Variants in LIPA observed in about 807,000 individuals in gnomAD.
The protein encoded by LIPA is lipase A, lysosomal acid type.
In LIPA, 26 loss-of-function variants were observed where a neutral mutation model predicts 40.6. That is an observed-to-expected ratio of 0.64 (90% confidence interval 0.47 to 0.89). LIPA has a LOEUF of 0.89. Ranked by LOEUF, LIPA falls within the 40% of genes least tolerant of loss-of-function variation. The pLI is 0.00. For missense variants in LIPA, 455 were observed against 479.6 expected, an observed-to-expected ratio of 0.95 and a Z score of 0.48; for synonymous variants, 188 against 168.4, an observed-to-expected ratio of 1.12 and a Z score of -0.90.
intron 2 of LIPA, among the ~76,000 whole-genome samples, chr10:89,379,582 G>A (rs1293947143): frequency 1.3e-5 from 2 of 152,168 alleles, no homozygotes; most frequent in African/African-American, 2.4e-5. Context: ...CAGTGGGAGA[G>A]GAAGAACTTT....
chr10:89,384,519 T>G, intron 2 of LIPA: 1 of 1,614,024 alleles, frequency 6.2e-7, no homozygotes, highest in Non-Finnish European at 8.5e-7. Context: ...TTACCCATTA[T>G]TTAAAAGGTT....
chr10:89,243,228 A>G (rs1480608287), intron 3 of LIPA, among the ~76,000 whole-genome samples: 1 of 152,224 alleles, frequency 6.6e-6, no homozygotes, highest in African/African-American at 2.4e-5. Context: ...GACAGTAAAG[A>G]GCCTCTGTCC....
At chr10:89,399,990 T>C (rs1469803837) in intron 2 of LIPA, among the ~76,000 whole-genome samples, 1 of 152,212 alleles carries the variant, frequency 6.6e-6, no homozygotes, top group African/African-American at 2.4e-5. Context: ...CTAGGACTTC[T>C]AGCCTCGAGA....
chr10:89,353,462 CAG>C (rs1448168641), intron 2 of LIPA, among the ~76,000 whole-genome samples: 1 of 152,166 alleles, frequency 6.6e-6, no homozygotes, highest in African/African-American at 2.4e-5. Context: ...AGGGAAGAAA[CAG>C]GGGAGAAATA....
chr10:89,305,107 GA>G (rs200621083), intron 1 of LIPA, among the ~76,000 whole-genome samples: 1,728 of 150,836 alleles, frequency 0.011, 13 homozygotes, highest in Middle Eastern at 0.038. Context: ...GGGAGGGGAG[GA>G]AAAAAAATTA....
intron 3 of LIPA, among the ~76,000 whole-genome samples, chr10:89,234,444 T>C (rs559370307): frequency 2.0e-5 from 3 of 152,330 alleles, no homozygotes; most frequent in African/African-American, 4.8e-5. Flanking sequence ...GAGATGGCAG[T>C]TCCATTAGGC....
At chr10:89,283,580 C>T (rs1356983285) in intron 1 of LIPA, 1 of 152,166 alleles carries the variant, frequency 6.6e-6, no homozygotes, top group Non-Finnish European at 1.5e-5. Flanking sequence ...TTTTCATCTA[C>T]CTTGAACTTC....
chr10:89,307,650 C>T (rs1336341852), intron 1 of LIPA: 7 of 324,468 alleles, frequency 2.2e-5, no homozygotes, highest in Non-Finnish European at 4.0e-5. Flanking sequence ...TGAACTGTAA[C>T]ATTTGCTTAG....
At chr10:89,275,182 C>T (rs533471060) in intron 1 of LIPA, among the ~76,000 whole-genome samples, 7 of 152,242 alleles carry the variant, frequency 4.6e-5, no homozygotes, top group African/African-American at 1.7e-4. Context: ...AACTATTTAG[C>T]CTTTTTATGC....
At chr10:89,414,569 G>C, upstream of LIPA, 1 of 462,216 alleles carries the variant, frequency 2.2e-6, no homozygotes, top group Non-Finnish European at 3.8e-6. Flanking sequence ...TTAAGTTTCA[G>C]TTTCTGAGCG....
intron 1 of LIPA, among the ~76,000 whole-genome samples, chr10:89,264,963 C>T (rs1039467056): frequency 1.3e-5 from 2 of 152,212 alleles, no homozygotes; most frequent in Non-Finnish European, 2.9e-5. Context: ...TGCTAAGCAA[C>T]CCTCAGCACC....
Position 89,223,801 on chromosome 10 carries a change from G to C in LIPA, c.705C>G (p.Pro235=), listed in dbSNP as rs1203005431. ...CCAGCCACTTCAAAAACGCACTCTG[G>C]GGAAGAAATTCTTTGTCTCCAAATA... The part of the protein sequence containing the change: ...KDLFGDKEFL[P]QSAFLKWLGT... Residue 235 remains proline, a synonymous_variant, in exon 7 of 10, where the codon CCC becomes CCG. Coordinates refer to ENST00000336233, the MANE Select transcript of LIPA (RefSeq NM_000235.4). 11 of 1,614,050 alleles carry C rather than the reference G, an allele frequency of 6.8e-6. No individual in the cohort carries two copies. In the African/African-American group the frequency reaches 1.2e-4, roughly 18 times the overall value.
intron 1 of LIPA, among the ~76,000 whole-genome samples, chr10:89,297,970 C>T (rs1013642308): frequency 1.1e-4 from 16 of 152,190 alleles, no homozygotes; most frequent in Non-Finnish European, 1.9e-4. Context: ...CACAGTGCTG[C>T]GGGGTTGCTA....
chr10:89,226,241 T>A (rs1842768871), intron 5 of LIPA, among the ~76,000 whole-genome samples: 1 of 152,164 alleles, frequency 6.6e-6, no homozygotes, highest in Non-Finnish European at 1.5e-5. Context: ...TTCATACCTT[T>A]CATATAGTAA....
chr10:89,242,976 G>A (rs866783688), intron 3 of LIPA, among the ~76,000 whole-genome samples: 2 of 152,270 alleles, frequency 1.3e-5, no homozygotes, highest in South Asian at 2.1e-4. Context: ...GCAATTTAAC[G>A]TGGGTGGCCT....
At chr10:89,248,639 A>G (rs1241661069) in intron 1 of LIPA, among the ~76,000 whole-genome samples, 2 of 145,942 alleles carry the variant, frequency 1.4e-5, no homozygotes, top group African/African-American at 5.2e-5. Flanking sequence ...CACGCCCGGC[A>G]AATTTTTTTG....
intron 1 of LIPA, among the ~76,000 whole-genome samples, chr10:89,303,441 A>T (rs1196956544): frequency 6.6e-5 from 10 of 152,226 alleles, no homozygotes; most frequent in Non-Finnish European, 2.9e-5. Flanking sequence ...ATAAGAGGCA[A>T]AGGAAGAAAT....
chr10:89,247,481 A>G (rs1403273022), intron 2 of LIPA, 57 bp downstream of exon 2: 13 of 1,019,804 alleles, frequency 1.3e-5, no homozygotes. Flanking sequence ...TGTAGCTCAC[A>G]TAACTGGATC....
upstream of LIPA, among the ~76,000 whole-genome samples, chr10:89,252,582 C>T (rs950643429): frequency 5.9e-5 from 9 of 152,238 alleles, no homozygotes; most frequent in African/African-American, 7.2e-5. Flanking sequence ...CTGAGGAGGG[C>T]GGATCACCTG....
Sources: gnomAD v4.1 joint callset for allele counts (sites outside exome capture counted in the v4.1 genomes callset) on GRCh38, gnomAD v4.1.1 for gene constraint, MANE v1.5 for transcripts, NCBI Gene and HGNC (gene_info 2026-07-23, HGNC 2026-07-21) for gene names.